LRP1B: variants seen among roughly 807,000 people sequenced by gnomAD.
LRP1B encodes the protein low-density lipoprotein receptor-related protein 1B.
Under a neutral mutation model 556.6 loss-of-function variants are expected in LRP1B, and 217 were observed. That is an observed-to-expected ratio of 0.39 (90% CI 0.35 to 0.44). The LOEUF is 0.44. LRP1B is among the 20% of genes least tolerant of loss of function. LRP1B has a pLI of 1.00. For synonymous variants in LRP1B, 2,047 were observed against 1,865.8 expected (o/e 1.10, Z -2.50); for missense variants, 5,053 against 5,620.8 (o/e 0.90, Z 3.23).
chr2:141,596,306 A>G (rs892766029), intron 2 of LRP1B, among the ~76,000 whole-genome samples: 10 of 152,020 alleles, frequency 6.6e-5, no homozygotes, highest in Admixed American at 2.6e-4. Context: ...GAGTTTCTGA[A>G]ATAAATTACT....
chr2:140,748,773 A>ATAC (rs1688449292), intron 35 of LRP1B, among the ~76,000 whole-genome samples: 1 of 40,846 alleles, frequency 2.4e-5, no homozygotes, highest in Non-Finnish European at 4.7e-5. Context: ...ACATGTATAT[A>ATAC]ATATGTATAT....
chr2:141,922,968 G>T (rs901283169), intron 1 of LRP1B, among the ~76,000 whole-genome samples: 1 of 151,836 alleles, frequency 6.6e-6, no homozygotes, highest in Non-Finnish European at 1.5e-5. Context: ...GCGTAGTGGT[G>T]CATGCCTATA....
chr2:141,160,822 T>C (rs557698012), intron 7 of LRP1B, among the ~76,000 whole-genome samples: 1 of 147,068 alleles, frequency 6.8e-6, no homozygotes, highest in South Asian at 2.2e-4. Flanking sequence ...TCAATATCTT[T>C]ATTTTGGTGA....
At chr2:141,874,621 T>TTTA (rs1281010277) in intron 1 of LRP1B, among the ~76,000 whole-genome samples, 2 of 151,950 alleles carry the variant, frequency 1.3e-5, no homozygotes, top group Non-Finnish European at 2.9e-5. Context: ...ATGGTTTTAG[T>TTTA]AAATAAACTG....
intron 3 of LRP1B, among the ~76,000 whole-genome samples, chr2:141,479,395 T>C (rs911093184): frequency 6.6e-6 from 1 of 152,144 alleles, no homozygotes; most frequent in African/African-American, 2.4e-5. Context: ...CCCGAACAAC[T>C]GGAATTTCTG....
In LRP1B at chr2:141,175,841, G is replaced by C. The variant is rs537188979; in HGVS notation, c.1013+12580C>G. ...AACAACCCATGAAAGCAACTGTGGGGCTGTACCATGAAGAGCCACAAGGGC... is the reference window on the plus strand; with the variant it reads ...AACAACCCATGAAAGCAACTGTGGGCCTGTACCATGAAGAGCCACAAGGGC... On this transcript the variant is annotated intron_variant, in intron 7 of 90. Coordinates refer to ENST00000389484, the MANE Select transcript of LRP1B (RefSeq NM_018557.3). Among the ~76,000 whole-genome samples the C allele has an allele frequency of 3.3e-5, 5 of 152,248 alleles. No individual in the cohort carries two copies. In the East Asian group the frequency reaches 7.8e-4, roughly 24 times the overall value.
At position 141,980,209 on chromosome 2, in the gene LRP1B, G is replaced by A. The variant is rs377459094; in HGVS notation, c.82+150439C>T. Among the ~76,000 whole-genome samples the A allele has an allele frequency of 2.9e-3, 435 of 152,116 alleles. 3 individuals are homozygous for A. The highest frequency in any genetic ancestry group is 0.01 in the African/African-American group (420 of 41,552). On this transcript the variant is annotated intron_variant, in intron 1 of 90. Coordinates refer to ENST00000389484, the MANE Select transcript of LRP1B (RefSeq NM_018557.3). The stretch of plus-strand genomic sequence containing the variant: ...ATGTCACTCATTACCTTGGAAATCA[G>A]TAAACTGGTAAATCTGTCCTTGGCA...
intron 86 of LRP1B, among the ~76,000 whole-genome samples, chr2:140,254,238 G>A (rs956643142): frequency 1.3e-5 from 2 of 151,968 alleles, no homozygotes; most frequent in African/African-American, 2.4e-5. Flanking sequence ...AGCACTATTC[G>A]ACATATATTT....
chr2:141,409,269 T>C (rs1690760241), intron 3 of LRP1B, among the ~76,000 whole-genome samples: 1 of 152,202 alleles, frequency 6.6e-6, no homozygotes, highest in Non-Finnish European at 1.5e-5. Flanking sequence ...GCGGAAAAAC[T>C]GCAGACTTTT....
intron 1 of LRP1B, among the ~76,000 whole-genome samples, chr2:142,088,369 G>A (rs912470137): frequency 1.5e-4 from 23 of 151,996 alleles, no homozygotes; most frequent in African/African-American, 3.6e-4. Context: ...AGTATATTGC[G>A]TAACTAGTGT....
chr2:141,291,855 CAAAAAAAAAAAAAAAAAA>C (rs143819331), intron 3 of LRP1B, among the ~76,000 whole-genome samples: 18 of 99,332 alleles, frequency 1.8e-4, no homozygotes, highest in South Asian at 3.4e-4. Flanking sequence ...GACTCTGTCT[CAAAAAAAAAAAAAAAAAA>C]AAAAAAAAAA....
At chr2:141,322,810 G>A (rs1687292617) in intron 3 of LRP1B, among the ~76,000 whole-genome samples, 1 of 151,650 alleles carries the variant, frequency 6.6e-6, no homozygotes, top group South Asian at 2.1e-4. Flanking sequence ...ATTTAAATCA[G>A]CTATTGAAGA....
chr2:141,874,156 T>A (rs1247525586), intron 1 of LRP1B, among the ~76,000 whole-genome samples: 1 of 149,874 alleles, frequency 6.7e-6, no homozygotes, highest in African/African-American at 2.5e-5. Context: ...AATGTTTATC[T>A]GATTTCTGAA....
chr2:141,219,298 A>G (rs1367130935), intron 6 of LRP1B, among the ~76,000 whole-genome samples: 2 of 152,170 alleles, frequency 1.3e-5, no homozygotes, highest in African/African-American at 4.8e-5. Flanking sequence ...ACTGAGAGGA[A>G]TTCCCCCACA....
intron 2 of LRP1B, among the ~76,000 whole-genome samples, chr2:141,784,471 A>G (rs1490629949): frequency 2.6e-5 from 4 of 151,988 alleles, no homozygotes; most frequent in African/African-American, 4.8e-5. Context: ...AGTTATTCCA[A>G]TAAGAGTATT....
chr2:141,066,087 T>A (rs1398610188), intron 7 of LRP1B, among the ~76,000 whole-genome samples: 1 of 152,000 alleles, frequency 6.6e-6, no homozygotes, highest in Non-Finnish European at 1.5e-5. Flanking sequence ...CTAACAAAAA[T>A]TAATATTAAA....
chr2:142,123,980 C>A (rs183514905), intron 1 of LRP1B, among the ~76,000 whole-genome samples: 11 of 151,890 alleles, frequency 7.2e-5, no homozygotes, highest in Admixed American at 2.6e-4. Context: ...CAAATGTAGA[C>A]AATACATCAT....
intron 59 of LRP1B, among the ~76,000 whole-genome samples, chr2:140,476,447 C>G (rs1558908522): frequency 6.6e-6 from 1 of 151,934 alleles, no homozygotes; most frequent in Non-Finnish European, 1.5e-5. Flanking sequence ...CAATTCAAAT[C>G]TAAAACATTC....
chr2:140,345,878 A>ATATATATATAT (rs200833593), intron 77 of LRP1B, among the ~76,000 whole-genome samples: 2 of 140,354 alleles, frequency 1.4e-5, no homozygotes, highest in African/African-American at 2.6e-5. Flanking sequence ...ATATATATAT[A>ATATATATATAT]AAAAAAATAG....
Sources: gnomAD v4.1 joint callset for allele counts (sites outside exome capture counted in the v4.1 genomes callset) on GRCh38, gnomAD v4.1.1 for gene constraint, MANE v1.5 for transcripts, NCBI Gene and HGNC (gene_info 2026-07-23, HGNC 2026-07-21) for gene names.